GPC6: variants seen among roughly 807,000 people sequenced by gnomAD.
GPC6 encodes the protein glypican-6.
GPC6 carries 14 observed loss-of-function variants against 55.2 expected under a neutral mutation model. That is an observed-to-expected ratio of 0.25 (90% CI 0.17 to 0.40). The LOEUF (loss-of-function observed/expected upper bound fraction) is 0.40. Ranked by LOEUF, GPC6 falls within the 10% of genes least tolerant of loss-of-function variation. GPC6 has a pLI of 1.00. For missense variants in GPC6, 641 were observed against 708.5 expected, an observed-to-expected ratio of 0.90 and a Z score of 1.08; for synonymous variants, 278 against 259.6, an observed-to-expected ratio of 1.07 and a Z score of -0.68.
At chr13:94,359,855 G>A (rs1878974468) in intron 6 of GPC6, among the ~76,000 whole-genome samples, 1 of 152,152 alleles carries the variant, frequency 6.6e-6, no homozygotes, top group Non-Finnish European at 1.5e-5. Flanking sequence ...TTACTGTCTG[G>A]CTTCTCAACC....
chr13:93,511,203 C>T (rs1365682304), intron 1 of GPC6, among the ~76,000 whole-genome samples: 1 of 149,672 alleles, frequency 6.7e-6, no homozygotes, highest in Non-Finnish European at 1.5e-5. Context: ...AAATTAAGTC[C>T]CTTTTGTCTC....
chr13:94,018,737 A>G (rs1882582747), intron 3 of GPC6, among the ~76,000 whole-genome samples: 1 of 152,206 alleles, frequency 6.6e-6, no homozygotes, highest in Non-Finnish European at 1.5e-5. Context: ...ACGGGTTCAC[A>G]CAGCAGGACA....
In GPC6 at chr13:93,545,255, C is replaced by A; in HGVS notation, c.161-8C>A. The stretch of plus-strand genomic sequence containing the variant: ...AATGCAATAGTGACATTTAACTTCT[C>A]ATTGCAGGGGAACACTTAAGAATCT... On this transcript the variant is annotated splice_polypyrimidine_tract_variant and splice_region_variant and intron_variant, in intron 1 of 8. Coordinates refer to ENST00000377047, the MANE Select transcript of GPC6 (RefSeq NM_005708.5). The A allele has an allele frequency of 6.2e-7, 1 of 1,609,264 alleles. No individual in the cohort carries two copies. Among genetic ancestry groups the A allele is most frequent in the South Asian group, 1.1e-5 (1 of 91,012 alleles).
intron 6 of GPC6, among the ~76,000 whole-genome samples, chr13:94,349,206 C>A (rs1878421444): frequency 2.0e-5 from 3 of 152,172 alleles, no homozygotes; most frequent in African/African-American, 7.2e-5. Flanking sequence ...TTACCTTCCA[C>A]AACCATCTGT....
At chr13:94,202,759 T>C (rs1209525998) in intron 4 of GPC6, among the ~76,000 whole-genome samples, 1 of 152,084 alleles carries the variant, frequency 6.6e-6, no homozygotes, top group Non-Finnish European at 1.5e-5. Context: ...GAGACATCTG[T>C]TCAGAATGGC....
intron 2 of GPC6, among the ~76,000 whole-genome samples, chr13:93,765,311 T>TGTCTGGAAAGACAACTTCTC (rs1368557718): frequency 2.9e-5 from 1 of 34,084 alleles, no homozygotes; most frequent in African/African-American, 1.3e-4. Context: ...GACAACTTAT[T>TGTCTGGAAAGACAACTTCTC]TGGTTTAAGT....
intron 1 of GPC6, among the ~76,000 whole-genome samples, chr13:93,361,032 C>G (rs1408220305): frequency 6.6e-6 from 1 of 152,032 alleles, no homozygotes; most frequent in East Asian, 1.9e-4. Flanking sequence ...AAAACGCACC[C>G]CTCTCTTGCT....
intron 1 of GPC6, among the ~76,000 whole-genome samples, chr13:93,477,092 A>G (rs1879328275): frequency 6.6e-6 from 1 of 152,102 alleles, no homozygotes; most frequent in Non-Finnish European, 1.5e-5. Flanking sequence ...TTGTTCTCTG[A>G]CTAGTTATAA....
At chr13:93,681,763 G>T (rs1594367915) in intron 2 of GPC6, among the ~76,000 whole-genome samples, 1 of 152,114 alleles carries the variant, frequency 6.6e-6, no homozygotes, top group Admixed American at 6.6e-5. Context: ...AAATTTCAGA[G>T]AAATGTCTAA....
At chr13:93,278,168 T>G (rs1037729559) in intron 1 of GPC6, among the ~76,000 whole-genome samples, 1 of 152,178 alleles carries the variant, frequency 6.6e-6, no homozygotes, top group Non-Finnish European at 1.5e-5. Context: ...CAGAGGGAAA[T>G]AGAACATAAA....
chr13:93,733,472 G>GTGTGAAAT (rs1458079612), intron 2 of GPC6, among the ~76,000 whole-genome samples: 1 of 151,288 alleles, frequency 6.6e-6, no homozygotes, highest in Non-Finnish European at 1.5e-5. Flanking sequence ...CTTAAGCCAA[G>GTGTGAAAT]TGTGAAATAG....
chr13:93,331,137 G>A (rs1261633791), intron 1 of GPC6, among the ~76,000 whole-genome samples: 2 of 152,086 alleles, frequency 1.3e-5, no homozygotes, highest in Non-Finnish European at 1.5e-5. Flanking sequence ...AGGATGTTGT[G>A]TTCTGCTAAT....
At chr13:94,115,080 A>G (rs998489501) in intron 4 of GPC6, among the ~76,000 whole-genome samples, 2 of 152,156 alleles carry the variant, frequency 1.3e-5, no homozygotes, top group Non-Finnish European at 2.9e-5. Flanking sequence ...GGAATATTTT[A>G]TCTGATTTCA....
In GPC6 at chr13:93,749,381, G is replaced by A. The variant is rs183640315; in HGVS notation, c.320-80773G>A. Among the ~76,000 whole-genome samples the A allele has an allele frequency of 1.2e-3, 182 of 151,574 alleles. 1 individual carries two copies. Among genetic ancestry groups the A allele is most frequent in the Middle Eastern group, 3.4e-3 (1 of 292 alleles). Reference sequence around the variant, plus strand: ...CCTAAGAAATTCACTGCTTTCTACCGTTTTGCAGTACAGAATTTTTTCTTT... The same window carrying A: ...CCTAAGAAATTCACTGCTTTCTACCATTTTGCAGTACAGAATTTTTTCTTT... On this transcript the variant is annotated intron_variant, in intron 2 of 8. Transcript: ENST00000377047.
chr13:94,038,372 A>C (rs1004976093), intron 4 of GPC6, among the ~76,000 whole-genome samples: 1 of 151,880 alleles, frequency 6.6e-6, no homozygotes. Context: ...TAGACTAGGC[A>C]CATACATGGT....
At chr13:93,309,344 G>C (rs1878983601) in intron 1 of GPC6, among the ~76,000 whole-genome samples, 1 of 151,916 alleles carries the variant, frequency 6.6e-6, no homozygotes, top group African/African-American at 2.4e-5. Flanking sequence ...TATAAACATA[G>C]CGATAATTCA....
chr13:93,799,647 C>G (rs1886306944), intron 2 of GPC6, among the ~76,000 whole-genome samples: 1 of 152,184 alleles, frequency 6.6e-6, no homozygotes. Context: ...TTAACTTGCT[C>G]TATGACTCCT....
intron 2 of GPC6, among the ~76,000 whole-genome samples, chr13:93,587,753 C>T (rs1465576130): frequency 6.6e-6 from 1 of 152,154 alleles, no homozygotes; most frequent in East Asian, 1.9e-4. Context: ...TTCTAGGGCT[C>T]TTTAACCTCA....
intron 2 of GPC6, among the ~76,000 whole-genome samples, chr13:93,800,000 C>T (rs1313979829): frequency 1.4e-5 from 2 of 139,680 alleles, no homozygotes; most frequent in African/African-American, 5.6e-5. Context: ...CATCCTTCAA[C>T]TCATGGAGCT....
Sources: gnomAD v4.1 joint callset for allele counts (sites outside exome capture counted in the v4.1 genomes callset) on GRCh38, gnomAD v4.1.1 for gene constraint, MANE v1.5 for transcripts, NCBI Gene and HGNC (gene_info 2026-07-23, HGNC 2026-07-21) for gene names.